SMC6: variants seen among roughly 807,000 people sequenced by gnomAD.
SMC6 encodes the protein structural maintenance of chromosomes 6.
Under a neutral mutation model 142.2 loss-of-function variants are expected in SMC6, and 79 were observed. The ratio of observed to expected loss-of-function variants is 0.56; its 90% CI spans 0.46 to 0.67. The LOEUF (loss-of-function observed/expected upper bound fraction) is 0.67, where lower values mean the gene tolerates loss of function less well. Among genes scored for constraint, SMC6 ranks in the 30% least tolerant of loss-of-function variants. The pLI is 0.00. For synonymous variants in SMC6, 411 were observed against 412.4 expected, an observed-to-expected ratio of 1.00 and a Z score of 0.04; for missense variants, 1,072 against 1,284.0, an observed-to-expected ratio of 0.83 and a Z score of 2.52.
chr2:17,680,167 T>C (rs1477285047), intron 24 of SMC6: 1 of 152,194 alleles, frequency 6.6e-6, no homozygotes, highest in Non-Finnish European at 1.5e-5. Flanking sequence ...ATAAACAATT[T>C]TAAAAATTAG....
At chr2:17,719,068 C>A (rs868146585) in intron 11 of SMC6, among the ~76,000 whole-genome samples, 3 of 152,100 alleles carry the variant, frequency 2.0e-5, no homozygotes, top group Non-Finnish European at 4.4e-5. Context: ...CTATTTCGAT[C>A]GGGGTCAGCA....
chr2:17,728,062 G>A (rs1458268345), intron 7 of SMC6, among the ~76,000 whole-genome samples: 1 of 152,112 alleles, frequency 6.6e-6, no homozygotes, highest in African/African-American at 2.4e-5. Flanking sequence ...AAGCTTCACC[G>A]AAGTTTATAT....
At chr2:17,744,076 C>T (rs1265443515) in intron 3 of SMC6, among the ~76,000 whole-genome samples, 4 of 152,202 alleles carry the variant, frequency 2.6e-5, no homozygotes, top group Non-Finnish European at 5.9e-5. Context: ...AAGTTTTCAA[C>T]TCCTTTGGGT....
Position 17,713,841 on chromosome 2 carries a change from A to G in SMC6, c.1730+1020T>C, listed in dbSNP as rs1459952216. ...ACAGAATTCTATTTGCCTACAAGGC[A>G]ATTAACTTTTTCTATCACTTGACAA... is the stretch of plus-strand genomic sequence containing the variant. On this transcript the variant is annotated intron_variant, in intron 16 of 27. Transcript: ENST00000448223. Among the ~76,000 whole-genome samples the G allele has an allele frequency of 2.0e-5, 3 of 152,108 alleles. No individual in the cohort carries two copies. In the South Asian group the frequency reaches 6.2e-4, roughly 31 times the overall value.
chr2:17,750,645 A>G (rs1047939352), intron 2 of SMC6, among the ~76,000 whole-genome samples: 3 of 152,170 alleles, frequency 2.0e-5, no homozygotes, highest in African/African-American at 7.2e-5. Flanking sequence ...TTATTCATAG[A>G]GAGTGAAATT....
chr2:17,741,949 G>C (rs908630553), intron 3 of SMC6, among the ~76,000 whole-genome samples: 2 of 152,140 alleles, frequency 1.3e-5, no homozygotes, highest in African/African-American at 2.4e-5. Flanking sequence ...TATATCACCA[G>C]GTTTCTTAAT....
At chr2:17,752,466 C>T (rs1380178465) in intron 2 of SMC6, among the ~76,000 whole-genome samples, 1 of 152,126 alleles carries the variant, frequency 6.6e-6, no homozygotes, top group African/African-American at 2.4e-5. Context: ...TTATTTCTTC[C>T]AACTTGCATA....
intron 22 of SMC6, 75 bp downstream of exon 22, chr2:17,696,214 A>C (rs1667978420): frequency 6.6e-7 from 1 of 1,518,896 alleles, no homozygotes; most frequent in African/African-American, 1.4e-5. Flanking sequence ...TAGAAACATG[A>C]CATTAGGGAA....
rs141944961 is a variant in SMC6, at chr2:17,721,017, A to G, written c.868T>C (p.Leu290=). The G allele has an allele frequency of 8.1e-6, 13 of 1,613,552 alleles. No homozygotes were observed. The highest frequency in any genetic ancestry group is 1.1e-5 in the Non-Finnish European group (13 of 1,179,862). ...TTGATATTATCTCTGATGGCATTCA[A>G]TTGTTTTTCAATTTCATTGACCTAA... ...WAVVNEIEKQ[L]NAIRDNIKIG... Residue 290 remains leucine, a synonymous_variant, in exon 11 of 28, where the codon TTG becomes CTG. Transcript: ENST00000448223.
Position 17,691,260 on chromosome 2 carries a change from A to C in SMC6, c.2678+3892T>G, listed in dbSNP as rs1402977959. On this transcript the variant is annotated intron_variant, in intron 23 of 27. Coordinates refer to ENST00000448223, the MANE Select transcript of SMC6 (RefSeq NM_001142286.2). ...CACACACACACACACACACACACAC[A>C]CCAGAATACTATTCAGCTACAAAAA... Among the ~76,000 whole-genome samples the C allele has an allele frequency of 3.9e-5, 5 of 126,676 alleles. No homozygotes were observed. In the East Asian group the frequency reaches 1.2e-3, roughly 29 times the overall value. The allele number at this position is 126,676 out of a possible 152,430, so 83.1% of individuals were successfully genotyped here.
At chr2:17,716,023 C>T (rs981288552) in intron 15 of SMC6, 63 bp downstream of exon 15, 5 of 1,275,892 alleles carry the variant, frequency 3.9e-6, no homozygotes, top group African/African-American at 3.1e-5. Flanking sequence ...TTCATTCAAT[C>T]GTTCTGAAAA....
intron 3 of SMC6, 54 bp from the exon 4 acceptor site, chr2:17,741,783 C>T: frequency 8.4e-7 from 1 of 1,194,650 alleles, no homozygotes; most frequent in Non-Finnish European, 1.2e-6. Flanking sequence ...CTCATTATAA[C>T]CATTCAAGCA....
rs903358560 is a variant in SMC6 at position 17,753,802 on chromosome 2, G to C, written c.-269C>G. 1.3e-5 allele frequency: 2 copies of C among 152,296 alleles called. No individual in the cohort carries two copies. The highest frequency in any genetic ancestry group is 2.1e-4 in the South Asian group (1 of 4,834). The allele number at this position is 152,296 out of a possible 1,614,324, so 9.4% of individuals were successfully genotyped here. On this transcript the variant is annotated 5_prime_UTR_variant, in exon 1 of 28. Transcript: ENST00000448223. The stretch of plus-strand genomic sequence containing the variant: ...CCCGGGAGCCCCGGCGCCCACCGCG[G>C]TACTAACCGCGCCTGCGCCCCGCCC...
chr2:17,690,716 G>A (rs1667665755), intron 23 of SMC6, among the ~76,000 whole-genome samples: 1 of 151,828 alleles, frequency 6.6e-6, no homozygotes, highest in African/African-American at 2.4e-5. Context: ...ACATGAAAAG[G>A]TCATAGAAAA....
chr2:17,676,667 TTCTGA>T (rs1193278627), intron 25 of SMC6, among the ~76,000 whole-genome samples: 29 of 152,310 alleles, frequency 1.9e-4, no homozygotes, highest in Admixed American at 1.5e-3. Context: ...ATACTGAGTC[TTCTGA>T]TCTAACAACA....
rs531952387 is a variant in SMC6 at position 17,715,476 on chromosome 2, C to T, written c.1526-411G>A. 5.0e-4 allele frequency among the ~76,000 whole-genome samples: 75 copies of T among 151,446 alleles called. 1 individual carries two copies. Among genetic ancestry groups the T allele is most frequent in the African/African-American group, 1.7e-3 (70 of 41,328 alleles). ...AAAAGCCTCATCCTTTGAAATGGAT[C>T]CTGGTATAAAGGTATGTATCATTTA... On this transcript the variant is annotated intron_variant, in intron 15 of 27. Transcript: ENST00000448223.
intron 5 of SMC6, among the ~76,000 whole-genome samples, chr2:17,734,690 G>A (rs1321949895): frequency 1.3e-5 from 2 of 151,978 alleles, no homozygotes; most frequent in Non-Finnish European, 2.9e-5. Flanking sequence ...AGTACAGTGA[G>A]AACTTCAGAA....
rs1474278612 is a variant in SMC6, at chr2:17,745,931, C to T, written c.16G>A (p.Glu6Lys). MAKRKEENFSSPKNAK... is the reference protein window; with the variant it reads MAKRKKENFSSPKNAK... ...TTTTTAGGAGAGGAAAAATTTTCTT[C>T]CTTTCTTTTGGCCATCAGGTCTGAA... Residue 6 changes from glutamate to lysine, a missense_variant, in exon 3 of 28, where the codon GAA (glutamate) becomes AAA (lysine). Transcript: ENST00000448223. 10 of 1,607,806 alleles carry T rather than the reference C, an allele frequency of 6.2e-6. No homozygotes were observed. Among genetic ancestry groups the T allele is most frequent in the Non-Finnish European group, 8.5e-6 (10 of 1,177,128 alleles).
intron 2 of SMC6, among the ~76,000 whole-genome samples, chr2:17,751,241 G>A (rs948474970): frequency 1.3e-5 from 2 of 151,858 alleles, no homozygotes; most frequent in African/African-American, 4.8e-5. Flanking sequence ...AGCACTTTGG[G>A]AGGCCGAGAT....
Sources: gnomAD v4.1 joint callset for allele counts (sites outside exome capture counted in the v4.1 genomes callset) on GRCh38, gnomAD v4.1.1 for gene constraint, MANE v1.5 for transcripts, NCBI Gene and HGNC (gene_info 2026-07-23, HGNC 2026-07-21) for gene names.